Variants in FRMD4A observed in about 807,000 individuals in gnomAD.
FRMD4A encodes the protein FERM domain-containing protein 4A.
Under a neutral mutation model 129.1 loss-of-function variants are expected in FRMD4A, and 29 were observed. The observed-to-expected ratio is 0.22, with a 90% confidence interval of 0.17 to 0.31. FRMD4A has a LOEUF of 0.31. Among genes scored for constraint, FRMD4A ranks in the 10% least tolerant of loss-of-function variants. The probability of loss-of-function intolerance (pLI) is 1.00; values close to 1 mark genes in which losing one functional copy is unlikely to be tolerated. For missense variants in FRMD4A, 1,272 were observed against 1,375.8 expected (o/e 0.92, Z 1.19); for synonymous variants, 634 against 571.6 (o/e 1.11, Z -1.56).
chr10:14,026,564 G>A (rs1832995598), intron 2 of FRMD4A, among the ~76,000 whole-genome samples: 1 of 152,344 alleles, frequency 6.6e-6, no homozygotes, highest in African/African-American at 2.4e-5. Context: ...GGGCAGTGCT[G>A]AGATGAATGT....
intron 2 of FRMD4A, among the ~76,000 whole-genome samples, chr10:14,302,477 C>T (rs1846217179): frequency 6.6e-6 from 1 of 152,166 alleles, no homozygotes; most frequent in South Asian, 2.1e-4. Flanking sequence ...TCCAACTTTG[C>T]CACGAACCAG....
Position 14,247,820 on chromosome 10 carries a change from C to G in FRMD4A, c.45+82238G>C, listed in dbSNP as rs1424129720. Among the ~76,000 whole-genome samples, 4 of 152,104 alleles carry G rather than the reference C, an allele frequency of 2.6e-5. No homozygotes were observed. The East Asian group carries it at 5.8e-4, about 22-fold the overall frequency. ...TCTGCTTAAATTGAGTGTGAGGGAA[C>G]AGGATTATCTTGGTTGTAATTTTTA... On this transcript the variant is annotated intron_variant, in intron 2 of 24. Transcript: ENST00000357447.
intron 2 of FRMD4A, among the ~76,000 whole-genome samples, chr10:14,321,206 T>C (rs1427588539): frequency 6.6e-6 from 1 of 151,924 alleles, no homozygotes; most frequent in Non-Finnish European, 1.5e-5. Flanking sequence ...GATGAATGAA[T>C]GAAACAAATG....
intron 10 of FRMD4A, 130 bp downstream of exon 10, chr10:13,740,382 G>T (rs773596452): frequency 1.1e-6 from 1 of 889,054 alleles, no homozygotes; most frequent in Non-Finnish European, 1.9e-6. Context: ...TTATTTACTT[G>T]AAAATTAAAT....
intron 2 of FRMD4A, among the ~76,000 whole-genome samples, chr10:14,037,582 G>A (rs915351862): frequency 2.6e-5 from 4 of 152,150 alleles, no homozygotes; most frequent in African/African-American, 7.2e-5. Flanking sequence ...ATGTGAAAAT[G>A]TTTTTGTACA....
At chr10:13,823,620 T>G (rs2093660238) in intron 3 of FRMD4A, among the ~76,000 whole-genome samples, 1 of 152,208 alleles carries the variant, frequency 6.6e-6, no homozygotes. Context: ...AAGCCTGCCC[T>G]GCAGACTCTG....
intron 3 of FRMD4A, among the ~76,000 whole-genome samples, chr10:13,829,914 C>T (rs888375912): frequency 6.6e-6 from 1 of 152,198 alleles, no homozygotes; most frequent in African/African-American, 2.4e-5. Context: ...AAACACTGAC[C>T]TTGAAGACTT....
At chr10:13,715,767 G>A (rs183955342) in intron 12 of FRMD4A, among the ~76,000 whole-genome samples, 6 of 152,112 alleles carry the variant, frequency 3.9e-5, no homozygotes, top group Admixed American at 6.5e-5. Flanking sequence ...TTAGCAAGGC[G>A]TGGTGGCATG....
At chr10:14,109,519 A>G (rs1837766759) in intron 2 of FRMD4A, among the ~76,000 whole-genome samples, 1 of 152,212 alleles carries the variant, frequency 6.6e-6, no homozygotes, top group Non-Finnish European at 1.5e-5. Flanking sequence ...CATCCCCTGC[A>G]CTTAAATTTG....
intron 2 of FRMD4A, among the ~76,000 whole-genome samples, chr10:14,280,354 C>G (rs1236073350): frequency 1.3e-5 from 2 of 151,868 alleles, no homozygotes; most frequent in African/African-American, 4.8e-5. Flanking sequence ...CTATGTTACC[C>G]AGACTGGCCT....
intron 6 of FRMD4A, among the ~76,000 whole-genome samples, chr10:13,777,628 T>C (rs1212119725): frequency 6.6e-6 from 1 of 152,054 alleles, no homozygotes; most frequent in Non-Finnish European, 1.5e-5. Context: ...CTGTAGTATT[T>C]AGTTCTGACA....
chr10:13,986,914 G>A (rs898198161), intron 2 of FRMD4A, among the ~76,000 whole-genome samples: 2 of 151,980 alleles, frequency 1.3e-5, no homozygotes, highest in African/African-American at 2.4e-5. Context: ...TCGGTCAGTG[G>A]TTCTCATACC....
chr10:13,656,676 G>A lies in FRMD4A; in HGVS notation c.2913C>T (p.Ser971=). Residue 971 remains serine (S), a synonymous_variant, in exon 22 of 25, where the codon AGC becomes AGT. Transcript: ENST00000357447. ...TSSQSTFVAH[S]RVTRMPQMCK... ...ACATCTGGGGCATCCTGGTGACCCT[G>A]CTGTGCGCCACGAAGGTGCTCTGGG... 2 of 1,533,962 alleles carry A rather than the reference G, an allele frequency of 1.3e-6. No homozygotes were observed. Among genetic ancestry groups the A allele is most frequent in the African/African-American group, 1.4e-5 (1 of 70,832 alleles).
At chr10:13,851,726 C>T (rs2094142534) in intron 3 of FRMD4A, among the ~76,000 whole-genome samples, 1 of 151,838 alleles carries the variant, frequency 6.6e-6, no homozygotes, top group African/African-American at 2.4e-5. Flanking sequence ...ATGGTGAAAC[C>T]CTGTCTCTAC....
intron 11 of FRMD4A, among the ~76,000 whole-genome samples, chr10:13,738,362 A>T (rs7074581): frequency 2.8e-4 from 42 of 151,970 alleles, no homozygotes; most frequent in Non-Finnish European, 5.1e-4. Context: ...ATCGATGGTC[A>T]GAGCCAGAGG....
intron 2 of FRMD4A, among the ~76,000 whole-genome samples, chr10:14,066,674 TAAG>T (rs1835075787): frequency 6.6e-6 from 1 of 152,072 alleles, no homozygotes; most frequent in Admixed American, 6.5e-5. Flanking sequence ...CCCAAAGGAC[TAAG>T]AAGGTCAAAG....
intron 2 of FRMD4A, among the ~76,000 whole-genome samples, chr10:14,000,050 G>C (rs1386789297): frequency 6.6e-6 from 1 of 152,166 alleles, no homozygotes; most frequent in Non-Finnish European, 1.5e-5. Context: ...AACTGACCAA[G>C]TCCTTTGAAG....
At chr10:13,733,846 C>T (rs970573782) in intron 12 of FRMD4A, among the ~76,000 whole-genome samples, 4 of 152,334 alleles carry the variant, frequency 2.6e-5, no homozygotes, top group South Asian at 2.1e-4. Context: ...CCGTGATCGT[C>T]GTGATTGGGA....
chr10:13,822,575 G>C (rs1226568792), intron 3 of FRMD4A, among the ~76,000 whole-genome samples: 1 of 152,202 alleles, frequency 6.6e-6, no homozygotes, highest in Non-Finnish European at 1.5e-5. Flanking sequence ...CCACGAGACA[G>C]GATGGAACCT....
Sources: allele counts gnomAD v4.1 joint callset (sites outside exome capture counted in the v4.1 genomes callset), GRCh38; gene constraint gnomAD v4.1.1; transcripts MANE v1.5; gene names NCBI Gene and HGNC (gene_info 2026-07-23, HGNC 2026-07-21).